The following FHIT variants were observed in gnomAD, a reference collection of about 807,000 sequenced individuals.
The protein encoded by FHIT is fragile histidine triad diadenosine triphosphatase.
A neutral mutation model predicts 17.9 loss-of-function variants in FHIT; 19 were observed. That is an observed-to-expected ratio of 1.06 (90% CI 0.74 to 1.56). The LOEUF (loss-of-function observed/expected upper bound fraction) is 1.56, where lower values mean the gene tolerates loss of function less well. Ranked by LOEUF, FHIT falls within the 40% of genes most tolerant of loss-of-function variation. The pLI, the probability that FHIT is intolerant of heterozygous loss-of-function variation, is 0.00. For synonymous variants in FHIT, 81 were observed against 69.7 expected (o/e 1.16, Z -0.81); for missense variants, 248 against 189.2 (o/e 1.31, Z -1.82).
At chr3:60,341,007 A>T (rs1412526848) in intron 5 of FHIT, among the ~76,000 whole-genome samples, 3 of 152,108 alleles carry the variant, frequency 2.0e-5, no homozygotes, top group African/African-American at 4.8e-5. Context: ...AATTTTTTTT[A>T]AATGAAACAT....
At chr3:60,343,649 G>A (rs1217260160) in intron 5 of FHIT, among the ~76,000 whole-genome samples, 2 of 152,118 alleles carry the variant, frequency 1.3e-5, no homozygotes, top group African/African-American at 2.4e-5. Context: ...TTTTTAAGAT[G>A]ATAGTCTAGG....
intron 5 of FHIT, among the ~76,000 whole-genome samples, chr3:60,353,327 A>G (rs1699503856): frequency 6.6e-6 from 1 of 152,108 alleles, no homozygotes; most frequent in Non-Finnish European, 1.5e-5. Context: ...GTAAAAGTTT[A>G]ACTGCTTAGG....
At chr3:59,768,121 A>G (rs1413522477) in intron 8 of FHIT, among the ~76,000 whole-genome samples, 1 of 152,176 alleles carries the variant, frequency 6.6e-6, no homozygotes, top group African/African-American at 2.4e-5. Context: ...TAAATATAAC[A>G]GGGGTGGCCT....
chr3:60,365,802 T>C (rs1215317979), intron 5 of FHIT, among the ~76,000 whole-genome samples: 1 of 152,206 alleles, frequency 6.6e-6, no homozygotes, highest in Admixed American at 6.5e-5. Context: ...GAATGTTCAG[T>C]AACTTTAGTT....
At chr3:60,755,593 T>G (rs1338256364) in intron 4 of FHIT, among the ~76,000 whole-genome samples, 1 of 152,168 alleles carries the variant, frequency 6.6e-6, no homozygotes, top group Non-Finnish European at 1.5e-5. Context: ...CTATTTCACA[T>G]CATCAGTCAC....
chr3:59,817,969 G>T (rs1433288722), intron 8 of FHIT, among the ~76,000 whole-genome samples: 1 of 152,076 alleles, frequency 6.6e-6, no homozygotes, highest in Non-Finnish European at 1.5e-5. Context: ...AGAAAGAGAG[G>T]AAGGGAGGGA....
At chr3:61,117,976 T>G (rs1475609446) in intron 2 of FHIT, among the ~76,000 whole-genome samples, 2 of 152,146 alleles carry the variant, frequency 1.3e-5, no homozygotes, top group African/African-American at 4.8e-5. Context: ...TCTATTTCAT[T>G]TTATTAAATA....
intron 4 of FHIT, among the ~76,000 whole-genome samples, chr3:60,820,390 T>G (rs1701884868): frequency 6.6e-6 from 1 of 152,160 alleles, no homozygotes; most frequent in East Asian, 1.9e-4. Flanking sequence ...AAGGCTCATA[T>G]GAAAAGGCAC....
At chr3:60,989,625 G>A (rs373581061) in intron 3 of FHIT, among the ~76,000 whole-genome samples, 11 of 152,290 alleles carry the variant, frequency 7.2e-5, no homozygotes, top group African/African-American at 2.6e-4. Flanking sequence ...AGTCAGCAGT[G>A]AGGCTGTTAA....
At chr3:59,785,312 C>T (rs1575489972) in intron 8 of FHIT, among the ~76,000 whole-genome samples, 3 of 133,514 alleles carry the variant, frequency 2.2e-5, no homozygotes, top group African/African-American at 5.6e-5. Flanking sequence ...GCAATCTTGC[C>T]TTTTTTTTTT....
At chr3:60,931,485 A>G (rs1425965274) in intron 3 of FHIT, among the ~76,000 whole-genome samples, 2 of 152,216 alleles carry the variant, frequency 1.3e-5, no homozygotes, top group Non-Finnish European at 2.9e-5. Flanking sequence ...GAGAGATGAC[A>G]TTTCGGAGGC....
chr3:60,084,112 T>C (rs367834839), intron 5 of FHIT, among the ~76,000 whole-genome samples: 1 of 152,294 alleles, frequency 6.6e-6, no homozygotes, highest in South Asian at 2.1e-4. Flanking sequence ...CATAATGTTG[T>C]ATAAGGATTC....
chr3:60,473,785 G>A (rs1229894182), intron 5 of FHIT, among the ~76,000 whole-genome samples: 2 of 151,976 alleles, frequency 1.3e-5, no homozygotes, highest in African/African-American at 4.8e-5. Context: ...GCCAGGCGTG[G>A]CAGCATGCAC....
In FHIT at chr3:60,732,090, C is replaced by T. The variant is rs535185594; in HGVS notation, c.-18+89829G>A. ...CGAGCAAATGGGGTGGAGGGGTAGT[C>T]TCCTGAGCTACAGAAGGAATGGTCT... is the stretch of plus-strand genomic sequence containing the variant. On this transcript the variant is annotated intron_variant, in intron 4 of 9. Coordinates refer to ENST00000492590, the MANE Select transcript of FHIT (RefSeq NM_002012.4). 6 of 630,556 alleles carry T rather than the reference C, an allele frequency of 9.5e-6. No individual in the cohort carries two copies. In the South Asian group the frequency reaches 1.0e-4, roughly 11 times the overall value. 39.1% of individuals were successfully genotyped at this position (630,556 alleles called of 1,614,324 possible).
intron 3 of FHIT, among the ~76,000 whole-genome samples, chr3:61,039,905 A>C (rs1366433808): frequency 6.6e-6 from 1 of 152,222 alleles, no homozygotes; most frequent in East Asian, 1.9e-4. Flanking sequence ...CCACAACAGC[A>C]CTTAGAACAG....
chr3:61,102,234 T>C (rs1217294771), intron 2 of FHIT, among the ~76,000 whole-genome samples: 1 of 152,234 alleles, frequency 6.6e-6, no homozygotes, highest in African/African-American at 2.4e-5. Flanking sequence ...GTTCCATTAA[T>C]ACCTAGTTTA....
rs750839499 is a variant in FHIT, at chr3:60,536,953, T to C, written c.10A>G (p.Arg4Gly). ...GGCTTGATGAGATGTTGGCCAAATC[T>C]GAACGACATGTCCTCACAGTTGAAG... MSF[R>G]FGQHLIKPSV... is the part of the protein sequence containing the mutation. The change falls in exon 5 of 10, where the codon AGA becomes GGA. Residue 4 changes from arginine (R) to glycine (G), a missense_variant. Arg to Gly is a moderately radical substitution (Grantham distance 125). Transcript: ENST00000492590. 6 of 1,610,720 alleles carry C rather than the reference T, an allele frequency of 3.7e-6. No individual in the cohort carries two copies. Among genetic ancestry groups the C allele is most frequent in the Admixed American group, 1.7e-5 (1 of 59,578 alleles).
At chr3:60,931,681 T>C (rs563242094) in intron 3 of FHIT, among the ~76,000 whole-genome samples, 8 of 152,318 alleles carry the variant, frequency 5.3e-5, no homozygotes, top group African/African-American at 1.9e-4. Context: ...AAGTATTTAC[T>C]TTAGGGTATG....
At chr3:60,795,173 T>TATC (rs1484423402) in intron 4 of FHIT, among the ~76,000 whole-genome samples, 4 of 152,208 alleles carry the variant, frequency 2.6e-5, no homozygotes, top group Admixed American at 2.0e-4. Context: ...CTCCACATCC[T>TATC]ATCTGATGAC....
Sources: gnomAD v4.1 joint callset for allele counts (sites outside exome capture counted in the v4.1 genomes callset) on GRCh38, gnomAD v4.1.1 for gene constraint, MANE v1.5 for transcripts, NCBI Gene and HGNC (gene_info 2026-07-23, HGNC 2026-07-21) for gene names.